ZFYVE9: variants seen among roughly 807,000 people sequenced by gnomAD.
ZFYVE9 encodes zinc finger FYVE-type containing 9, also known as zinc finger FYVE domain-containing protein 9.
Under a neutral mutation model 126.7 loss-of-function variants are expected in ZFYVE9, and 43 were observed. The observed-to-expected ratio is 0.34, with a 90% CI of 0.27 to 0.44. The LOEUF is 0.44. ZFYVE9 is among the 20% of genes least tolerant of loss of function. The pLI, the probability that ZFYVE9 is intolerant of heterozygous loss-of-function variation, is 1.00. For missense variants in ZFYVE9, 1,476 were observed against 1,697.0 expected, an observed-to-expected ratio of 0.87 and a Z score of 2.29; for synonymous variants, 521 against 597.4, an observed-to-expected ratio of 0.87 and a Z score of 1.87.
intron 3 of ZFYVE9, among the ~76,000 whole-genome samples, chr1:52,233,725 A>G (rs1439781673): frequency 6.6e-6 from 1 of 152,232 alleles, no homozygotes; most frequent in Non-Finnish European, 1.5e-5. Flanking sequence ...CAACTGCCTA[A>G]GTGGTTAATT....
intron 4 of ZFYVE9, among the ~76,000 whole-genome samples, chr1:52,248,385 C>T (rs1191480561): frequency 2.6e-5 from 4 of 152,204 alleles, no homozygotes; most frequent in Non-Finnish European, 4.4e-5. Context: ...TTTGCTTCTT[C>T]TGCCTGCTTT....
At chr1:52,265,090 A>C (rs1645618942) in intron 5 of ZFYVE9, among the ~76,000 whole-genome samples, 1 of 152,208 alleles carries the variant, frequency 6.6e-6, no homozygotes, top group Non-Finnish European at 1.5e-5. Flanking sequence ...CTAAAGATGA[A>C]GGAAATGGCA....
At chr1:52,289,083 T>G (rs1645893088) in intron 10 of ZFYVE9, among the ~76,000 whole-genome samples, 1 of 152,122 alleles carries the variant, frequency 6.6e-6, no homozygotes. Context: ...TAAGTTATAT[T>G]TGAATTGAAT....
At chr1:52,252,811 C>T in intron 4 of ZFYVE9, 1 of 355,768 alleles carries the variant, frequency 2.8e-6, no homozygotes, top group Non-Finnish European at 5.8e-6. Context: ...CATGGCTCAT[C>T]CCAGCCCAGA....
intron 10 of ZFYVE9, among the ~76,000 whole-genome samples, chr1:52,287,794 G>A (rs541542842): frequency 2.8e-4 from 42 of 152,176 alleles, no homozygotes; most frequent in African/African-American, 9.2e-4. Flanking sequence ...GAGCCCAGGA[G>A]TTTTTGAGGC....
chr1:52,149,147 A>G (rs1262571013), intron 1 of ZFYVE9, among the ~76,000 whole-genome samples: 1 of 151,486 alleles, frequency 6.6e-6, no homozygotes, highest in East Asian at 1.9e-4. Flanking sequence ...TATTTTGAGT[A>G]GAGATGGGGT....
chr1:52,181,936 C>T (rs558601491), intron 1 of ZFYVE9, among the ~76,000 whole-genome samples: 8 of 151,960 alleles, frequency 5.3e-5, no homozygotes, highest in Non-Finnish European at 8.8e-5. Flanking sequence ...GCAGCCACCC[C>T]GTCGGGGAGG....
chr1:52,218,750 G>A (rs938460762), intron 2 of ZFYVE9, among the ~76,000 whole-genome samples: 1 of 152,182 alleles, frequency 6.6e-6, no homozygotes, highest in Non-Finnish European at 1.5e-5. Flanking sequence ...AGCTACTTTG[G>A]TTTTGTCAGT....
At chr1:52,269,772 GT>G (rs1177409615) in intron 7 of ZFYVE9, among the ~76,000 whole-genome samples, 1 of 150,742 alleles carries the variant, frequency 6.6e-6, no homozygotes, top group Admixed American at 6.6e-5. Flanking sequence ...CCCCCCAACT[GT>G]TTTTTTGTTT....
At position 52,182,816 on chromosome 1, in the gene ZFYVE9, TA is replaced by T. The variant is rs923961923; in HGVS notation, c.-142-33543del. On this transcript the variant is annotated intron_variant, in intron 1 of 18. Transcript: ENST00000287727. ...CTTTTTTAAATTATAGTATTTCCTT[TA>T]AAAAAAAAATAAAACCAGCTATTGG... 1.4e-3 allele frequency among the ~76,000 whole-genome samples: 208 copies of T among 149,698 alleles called. 1 individual carries two copies. In the South Asian group the frequency reaches 0.016, roughly 11 times the overall value.
intron 16 of ZFYVE9, among the ~76,000 whole-genome samples, chr1:52,339,546 C>CT (rs1358180639): frequency 6.6e-6 from 1 of 152,164 alleles, no homozygotes; most frequent in Non-Finnish European, 1.5e-5. Flanking sequence ...CCACCTCAGC[C>CT]TCCCAAAGTG....
At chr1:52,219,752 TGTGTGTGTGTGTGTGTGTGTGTGTG>T (rs1645106119) in intron 2 of ZFYVE9, among the ~76,000 whole-genome samples, 1 of 28,684 alleles carries the variant, frequency 3.5e-5, no homozygotes, top group Non-Finnish European at 8.3e-5. Context: ...AGATCTTTTG[TGTGTGTGTGTGTGTGTGTGTGTGTG>T]TGTGTGTGTG....
intron 17 of ZFYVE9, among the ~76,000 whole-genome samples, chr1:52,342,312 C>T (rs1317530645): frequency 2.1e-5 from 3 of 143,380 alleles, no homozygotes; most frequent in South Asian, 2.2e-4. Context: ...GTCGCCCAGA[C>T]GGCAGTGCAG....
intron 1 of ZFYVE9, among the ~76,000 whole-genome samples, chr1:52,163,631 T>C (rs1248671718): frequency 6.6e-6 from 1 of 152,218 alleles, no homozygotes. Flanking sequence ...CATACTTTTC[T>C]TTATATCCAT....
chr1:52,240,334 T>C (rs2124632983), intron 4 of ZFYVE9, among the ~76,000 whole-genome samples: 1 of 152,326 alleles, frequency 6.6e-6, no homozygotes, highest in Non-Finnish European at 1.5e-5. Flanking sequence ...GCTTTGTTAC[T>C]ATTAATTATA....
At chr1:52,225,448 C>T (rs565299699) in intron 2 of ZFYVE9, among the ~76,000 whole-genome samples, 37 of 152,282 alleles carry the variant, frequency 2.4e-4, no homozygotes, top group Non-Finnish European at 5.0e-4. Context: ...TTACTTCTGC[C>T]GAAGGGTGCT....
intron 13 of ZFYVE9, among the ~76,000 whole-genome samples, chr1:52,315,510 A>G (rs1557516071): frequency 6.6e-6 from 1 of 152,332 alleles, no homozygotes; most frequent in African/African-American, 2.4e-5. Flanking sequence ...AACGGTAACA[A>G]AAAGGCCAGG....
Position 52,298,804 on chromosome 1 carries a change from A to ATG in ZFYVE9, c.3333+2829_3333+2830dup, listed in dbSNP as rs768562548. Among the ~76,000 whole-genome samples, 1,222 of 131,370 alleles carry ATG rather than the reference A, an allele frequency of 9.3e-3. 44 individuals carry two copies. The East Asian group carries it at 0.11, about 11-fold the overall frequency. The allele number at this position is 131,370 out of a possible 152,430, so 86.2% of individuals were successfully genotyped here. On this transcript the variant is annotated intron_variant, in intron 12 of 18. Transcript: ENST00000287727. ...AACATGGAATCAGTTTCCTTTGTCA[A>ATG]TGTTTTTTTTTTTTTTTTTTTTTGA...
Position 52,327,170 on chromosome 1 carries a change from A to G in ZFYVE9, c.3439-5598A>G, listed in dbSNP as rs115537368. ...GTGAGACTCTGTCTCAAAAATAAAC[A>G]AACAAAAATACTGTTGGTCTTGCAA... On this transcript the variant is annotated intron_variant, in intron 13 of 18. Transcript: ENST00000287727. Among the ~76,000 whole-genome samples the G allele has an allele frequency of 6.7e-3, 1,014 of 152,174 alleles. 11 individuals are homozygous for G. The highest frequency in any genetic ancestry group is 0.023 in the African/African-American group (961 of 41,508).
Sources: allele counts gnomAD v4.1 joint callset (sites outside exome capture counted in the v4.1 genomes callset), GRCh38; gene constraint gnomAD v4.1.1; transcripts MANE v1.5; gene names NCBI Gene and HGNC (gene_info 2026-07-23, HGNC 2026-07-21).